Variants in PTPRD observed in about 807,000 individuals in gnomAD.
PTPRD encodes the protein receptor-type tyrosine-protein phosphatase delta.
In PTPRD, 34 loss-of-function variants were observed where a neutral mutation model predicts 214.5. The observed-to-expected ratio is 0.16, with a 90% confidence interval of 0.12 to 0.21. PTPRD has a LOEUF of 0.21. Ranked by LOEUF, PTPRD falls within the 10% of genes least tolerant of loss-of-function variation. The pLI is 1.00. For synonymous variants in PTPRD, 1,128 were observed against 845.7 expected (o/e 1.33, Z -5.79); for missense variants, 2,545 against 2,398.7 (o/e 1.06, Z -1.27).
intron 11 of PTPRD, among the ~76,000 whole-genome samples, chr9:8,758,992 G>T (rs537736615): frequency 6.6e-6 from 1 of 150,596 alleles, no homozygotes; most frequent in African/African-American, 2.4e-5. Flanking sequence ...GCCTAACAGG[G>T]TCATTTTTTT....
chr9:9,039,651 A>G (rs547593484), intron 10 of PTPRD, among the ~76,000 whole-genome samples: 1 of 152,334 alleles, frequency 6.6e-6, no homozygotes, highest in East Asian at 1.9e-4. Flanking sequence ...GTCCCTTTAC[A>G]GAAGTAGTTA....
intron 2 of PTPRD, among the ~76,000 whole-genome samples, chr9:10,498,080 A>C (rs1396901608): frequency 6.6e-6 from 1 of 152,040 alleles, no homozygotes; most frequent in Non-Finnish European, 1.5e-5. Flanking sequence ...TTTGAACCAA[A>C]TGAGCTGCAG....
intron 8 of PTPRD, among the ~76,000 whole-genome samples, chr9:9,477,826 A>G (rs1417812926): frequency 1.3e-5 from 2 of 152,174 alleles, no homozygotes; most frequent in Non-Finnish European, 1.5e-5. Flanking sequence ...TTCAAAAAAA[A>G]CAACACAGCC....
At chr9:9,218,577 C>A (rs1001518761) in intron 9 of PTPRD, among the ~76,000 whole-genome samples, 38 of 152,184 alleles carry the variant, frequency 2.5e-4, no homozygotes, top group African/African-American at 8.9e-4. Flanking sequence ...CTAAGTGAGA[C>A]AAATGAAAGC....
chr9:9,383,671 C>T (rs1281753836), intron 9 of PTPRD, among the ~76,000 whole-genome samples: 3 of 152,084 alleles, frequency 2.0e-5, no homozygotes, highest in South Asian at 4.1e-4. Context: ...TTATCATAAG[C>T]TTTTATGCGG....
chr9:8,857,320 A>G lies in PTPRD; in HGVS notation c.-103-123374T>C, dbSNP rs112181239. On this transcript the variant is annotated intron_variant, in intron 11 of 45. Coordinates refer to ENST00000381196, the MANE Select transcript of PTPRD (RefSeq NM_002839.4). ...CCCACCGCTCCACCATTTGCCCCCA[A>G]TACTACGCCCACCCTAGGAGGAGAG... Among the ~76,000 whole-genome samples, 533 of 152,252 alleles carry G rather than the reference A, an allele frequency of 3.5e-3. 1 individual carries two copies. Among genetic ancestry groups the G allele is most frequent in the African/African-American group, 0.012 (495 of 41,550 alleles).
intron 3 of PTPRD, among the ~76,000 whole-genome samples, chr9:10,294,104 T>C (rs996009971): frequency 1.2e-4 from 18 of 152,066 alleles, no homozygotes; most frequent in East Asian, 1.2e-3. Flanking sequence ...TTTGGCTGAA[T>C]TGGTGTCTTG....
intron 14 of PTPRD, among the ~76,000 whole-genome samples, chr9:8,599,613 C>CCCCCCCCTTTTTTT (rs2094698008): frequency 1.3e-4 from 7 of 53,428 alleles, no homozygotes; most frequent in Non-Finnish European, 2.2e-4. Context: ...CCCGCCCACC[C>CCCCCCCCTTTTTTT]TTTTTTTTTT....
chr9:10,141,847 A>G (rs1247621180), intron 3 of PTPRD, among the ~76,000 whole-genome samples: 4 of 152,192 alleles, frequency 2.6e-5, no homozygotes, highest in Non-Finnish European at 5.9e-5. Flanking sequence ...CCTGACTTCA[A>G]ACTATGCTAC....
intron 39 of PTPRD, among the ~76,000 whole-genome samples, chr9:8,366,792 A>T (rs1341169879): frequency 6.6e-6 from 1 of 152,216 alleles, no homozygotes; most frequent in Non-Finnish European, 1.5e-5. Context: ...CGTCATACCA[A>T]GTGTGAATAC....
chr9:9,756,854 G>C (rs1342414043), intron 6 of PTPRD, among the ~76,000 whole-genome samples: 6 of 152,072 alleles, frequency 3.9e-5, no homozygotes, highest in Non-Finnish European at 7.4e-5. Context: ...CATTTTTCTA[G>C]ACTGAACATT....
intron 14 of PTPRD, among the ~76,000 whole-genome samples, chr9:8,565,172 C>A (rs1281392144): frequency 6.6e-6 from 1 of 152,106 alleles, no homozygotes; most frequent in East Asian, 1.9e-4. Context: ...TATAAGAAAT[C>A]ATGGTCACAG....
chr9:8,792,631 G>GGC (rs759169889), intron 11 of PTPRD, among the ~76,000 whole-genome samples: 7 of 152,128 alleles, frequency 4.6e-5, no homozygotes, highest in Admixed American at 1.3e-4. Flanking sequence ...CCTTTCCGTT[G>GGC]TTGTTTAATC....
intron 3 of PTPRD, among the ~76,000 whole-genome samples, chr9:10,111,964 A>C (rs2154235123): frequency 6.6e-6 from 1 of 152,326 alleles, no homozygotes; most frequent in South Asian, 2.1e-4. Context: ...AGCTAAGTCC[A>C]GCAGATGTAC....
chr9:8,818,278 T>A (rs1239976120), intron 11 of PTPRD, among the ~76,000 whole-genome samples: 1 of 152,218 alleles, frequency 6.6e-6, no homozygotes, highest in African/African-American at 2.4e-5. Flanking sequence ...CTGGAAAATT[T>A]ACAATCTATA....
At chr9:10,174,904 A>G (rs2099237404) in intron 3 of PTPRD, among the ~76,000 whole-genome samples, 3 of 152,260 alleles carry the variant, frequency 2.0e-5, no homozygotes, top group African/African-American at 7.2e-5. Flanking sequence ...AAATACAGAA[A>G]TCCTTAATGG....
At chr9:9,468,926 A>G (rs1425456278) in intron 8 of PTPRD, among the ~76,000 whole-genome samples, 2 of 152,112 alleles carry the variant, frequency 1.3e-5, no homozygotes, top group Non-Finnish European at 2.9e-5. Context: ...GTAGAGTAAA[A>G]TATCTCCATA....
intron 5 of PTPRD, among the ~76,000 whole-genome samples, chr9:9,797,797 G>C (rs556239810): frequency 5.3e-5 from 8 of 152,272 alleles, no homozygotes; most frequent in Admixed American, 5.2e-4. Flanking sequence ...GTAGTAAGCT[G>C]AGATCGCGCC....
intron 39 of PTPRD, among the ~76,000 whole-genome samples, chr9:8,366,236 T>C (rs753068304): frequency 9.9e-5 from 15 of 152,204 alleles, no homozygotes; most frequent in Non-Finnish European, 2.1e-4. Context: ...ACCATTGGAA[T>C]GGAAGAGCCA....
Sources: allele counts gnomAD v4.1 joint callset (sites outside exome capture counted in the v4.1 genomes callset), GRCh38; gene constraint gnomAD v4.1.1; transcripts MANE v1.5; gene names NCBI Gene and HGNC (gene_info 2026-07-23, HGNC 2026-07-21).